Variants in CBLB observed in about 807,000 individuals in gnomAD.
CBLB encodes the protein E3 ubiquitin-protein ligase CBL-B.
Under a neutral mutation model 104.9 loss-of-function variants are expected in CBLB, and 31 were observed. The ratio of observed to expected loss-of-function variants is 0.30; its 90% confidence interval spans 0.22 to 0.40. The LOEUF is 0.40. Ranked by LOEUF, CBLB falls within the 10% of genes least tolerant of loss-of-function variation. The pLI is 1.00. For missense variants in CBLB, 1,062 were observed against 1,214.6 expected (o/e 0.87, Z 1.87); for synonymous variants, 440 against 422.6 (o/e 1.04, Z -0.51).
chr3:105,690,066 C>CA (rs2152748477), intron 13 of CBLB, among the ~76,000 whole-genome samples: 1 of 152,152 alleles, frequency 6.6e-6, no homozygotes, highest in East Asian at 1.9e-4. Flanking sequence ...AAATGGGAAT[C>CA]AGAGTAAACA....
chr3:105,800,154 A>T (rs1437563530), intron 3 of CBLB, among the ~76,000 whole-genome samples: 1 of 152,162 alleles, frequency 6.6e-6, no homozygotes, highest in East Asian at 1.9e-4. Context: ...TGAAAAACAG[A>T]AGCGGTGGTC....
intron 3 of CBLB, among the ~76,000 whole-genome samples, chr3:105,797,837 C>G (rs2082408227): frequency 6.6e-6 from 1 of 152,190 alleles, no homozygotes; most frequent in Non-Finnish European, 1.5e-5. Flanking sequence ...CCATGAGCAT[C>G]CCCTTATTCT....
intron 9 of CBLB, among the ~76,000 whole-genome samples, chr3:105,721,241 GCTGACGT>G (rs964711397): frequency 2.6e-5 from 4 of 152,172 alleles, no homozygotes; most frequent in Non-Finnish European, 5.9e-5. Context: ...GATGCAGAGA[GCTGACGT>G]CTTTAAAGAA....
chr3:105,798,925 C>T (rs978896106), intron 3 of CBLB, among the ~76,000 whole-genome samples: 2 of 152,042 alleles, frequency 1.3e-5, no homozygotes, highest in Admixed American at 6.6e-5. Context: ...CAGAGAAAGA[C>T]AAAAGGTGAC....
At chr3:105,770,054 T>C (rs1258128026) in intron 4 of CBLB, among the ~76,000 whole-genome samples, 5 of 152,114 alleles carry the variant, frequency 3.3e-5, no homozygotes, top group Non-Finnish European at 5.9e-5. Context: ...TGGAAATTTA[T>C]GTCTAAATCT....
chr3:105,725,840 T>G, intron 9 of CBLB, among the ~76,000 whole-genome samples: 1 of 151,576 alleles, frequency 6.6e-6, no homozygotes, highest in African/African-American at 2.4e-5. Flanking sequence ...AAACATTTAT[T>G]TTATTTTATC....
chr3:105,705,945 G>A (rs2070059005), intron 10 of CBLB, among the ~76,000 whole-genome samples: 1 of 152,094 alleles, frequency 6.6e-6, no homozygotes, highest in Non-Finnish European at 1.5e-5. Context: ...AGACTAGCCT[G>A]GGCAACATGG....
intron 2 of CBLB, among the ~76,000 whole-genome samples, chr3:105,865,946 C>A (rs1392636105): frequency 6.6e-6 from 1 of 152,232 alleles, no homozygotes; most frequent in Non-Finnish European, 1.5e-5. Flanking sequence ...AGATAGGCAG[C>A]ATTGTGCTTG....
intron 2 of CBLB, among the ~76,000 whole-genome samples, chr3:105,860,584 A>G (rs2092007167): frequency 1.3e-5 from 2 of 152,338 alleles, no homozygotes; most frequent in South Asian, 4.1e-4. Flanking sequence ...AATTCTTACA[A>G]GAGGAAATGT....
At chr3:105,752,136 T>A (rs1344171071) in intron 4 of CBLB, among the ~76,000 whole-genome samples, 1 of 152,188 alleles carries the variant, frequency 6.6e-6, no homozygotes, top group East Asian at 1.9e-4. Context: ...TCTGCAGAGA[T>A]GAAAAACATA....
chr3:105,740,563 T>C lies in CBLB; in HGVS notation c.914A>G (p.Asn305Ser), dbSNP rs2075419441. 1.2e-6 allele frequency: 2 copies of C among 1,613,890 alleles called. No individual in the cohort carries two copies. The highest frequency in any genetic ancestry group is 8.5e-7 in the Non-Finnish European group (1 of 1,179,902). Residue 305 changes from asparagine to serine, a missense_variant, in exon 7 of 19, where the codon AAT becomes AGT. Transcript: ENST00000394030. ...WAIGYVTGDG[N>S]ILQTIPHNKP... ...GTTATGAGGTATGGTCTGTAAGATATTCCCATCCCCAGTCACATAGCCAAT... is the reference window on the plus strand; with the variant it reads ...GTTATGAGGTATGGTCTGTAAGATACTCCCATCCCCAGTCACATAGCCAAT...
At chr3:105,831,756 T>C (rs1315938992) in intron 3 of CBLB, among the ~76,000 whole-genome samples, 1 of 152,188 alleles carries the variant, frequency 6.6e-6, no homozygotes, top group Non-Finnish European at 1.5e-5. Flanking sequence ...CCTGAAAATA[T>C]GTAGAATCAA....
At chr3:105,827,323 T>C (rs1172689566) in intron 3 of CBLB, among the ~76,000 whole-genome samples, 1 of 152,216 alleles carries the variant, frequency 6.6e-6, no homozygotes, top group Non-Finnish European at 1.5e-5. Context: ...AAACTTTTTT[T>C]TTCCCTCGTA....
chr3:105,707,309 T>C (rs1235894356), intron 10 of CBLB, among the ~76,000 whole-genome samples: 2 of 152,206 alleles, frequency 1.3e-5, no homozygotes, highest in African/African-American at 2.4e-5. Context: ...AATTAATTCA[T>C]TTAGAAGCTA....
intron 2 of CBLB, among the ~76,000 whole-genome samples, chr3:105,858,562 T>A (rs753127916): frequency 6.6e-6 from 1 of 152,166 alleles, no homozygotes; most frequent in Admixed American, 6.5e-5. Context: ...CATTATAAAA[T>A]GATGAACTTT....
intron 9 of CBLB, among the ~76,000 whole-genome samples, chr3:105,728,000 T>C (rs909312642): frequency 6.6e-6 from 1 of 152,188 alleles, no homozygotes; most frequent in Admixed American, 6.5e-5. Flanking sequence ...TTTTTCTTTT[T>C]GCTTAGGATT....
intron 4 of CBLB, among the ~76,000 whole-genome samples, chr3:105,757,428 G>C (rs920550036): frequency 1.6e-4 from 24 of 152,282 alleles, no homozygotes; most frequent in African/African-American, 5.3e-4. Flanking sequence ...CAGAACTACT[G>C]GGTGGTGACT....
chr3:105,821,998 C>A (rs2085927017), intron 3 of CBLB, among the ~76,000 whole-genome samples: 1 of 152,036 alleles, frequency 6.6e-6, no homozygotes, highest in Non-Finnish European at 1.5e-5. Flanking sequence ...TCCATACCAG[C>A]ACATATAAAT....
intron 3 of CBLB, among the ~76,000 whole-genome samples, chr3:105,841,611 C>G (rs887919038): frequency 6.6e-6 from 1 of 151,774 alleles, no homozygotes; most frequent in Non-Finnish European, 1.5e-5. Context: ...CGCCACCACG[C>G]CCAGCTAATT....
Sources: gnomAD v4.1 joint callset for allele counts (sites outside exome capture counted in the v4.1 genomes callset) on GRCh38, gnomAD v4.1.1 for gene constraint, MANE v1.5 for transcripts, NCBI Gene and HGNC (gene_info 2026-07-23, HGNC 2026-07-21) for gene names.